ZNF362: variants seen among roughly 807,000 people sequenced by gnomAD.
ZNF362 encodes zinc finger protein 362, also known as rotund homolog.
A neutral mutation model predicts 42.9 loss-of-function variants in ZNF362; 11 were observed. That is an observed-to-expected ratio of 0.26 (90% CI 0.16 to 0.42). The LOEUF is 0.42. Among genes scored for constraint, ZNF362 ranks in the 20% least tolerant of loss-of-function variants. ZNF362 has a pLI of 1.00. For synonymous variants in ZNF362, 255 were observed against 257.3 expected (o/e 0.99, Z 0.09); for missense variants, 362 against 576.2 (o/e 0.63, Z 3.81).
At chr1:33,283,586 G>A (rs769860919) in intron 6 of ZNF362, among the ~76,000 whole-genome samples, 5 of 151,948 alleles carry the variant, frequency 3.3e-5, no homozygotes, top group African/African-American at 4.8e-5. Flanking sequence ...CTGTAGTCCC[G>A]GCTACTTGGG....
At chr1:33,186,265 G>A in the ZNF362 span, among the ~76,000 whole-genome samples, 75 of 152,030 alleles carry the variant, frequency 4.9e-4, no homozygotes, top group Non-Finnish European at 9.3e-4. Flanking sequence ...TATTTGGTGC[G>A]AACCGTTCTC....
chr1:33,199,061 A>T, the ZNF362 span, among the ~76,000 whole-genome samples: 7 of 152,192 alleles, frequency 4.6e-5, no homozygotes, highest in Non-Finnish European at 1.0e-4. Context: ...GCAGCCTAAC[A>T]TATGTATATT....
the ZNF362 span, among the ~76,000 whole-genome samples, chr1:33,183,321 A>G: frequency 6.6e-6 from 1 of 152,162 alleles, no homozygotes; most frequent in East Asian, 1.9e-4. Context: ...TTTATGAAAA[A>G]GCTCTCAGTT....
the ZNF362 span, among the ~76,000 whole-genome samples, chr1:33,161,401 G>T: frequency 6.6e-6 from 1 of 152,096 alleles, no homozygotes; most frequent in Admixed American, 6.5e-5. This position sits in a 1 kb window ranked among gnomAD's most constrained non-coding sequence, Gnocchi z 4.3. Flanking sequence ...TACTTTGTGG[G>T]ATTCTGGCTG....
chr1:33,261,994 G>A (rs1228480327), intron 1 of ZNF362, among the ~76,000 whole-genome samples: 1 of 152,198 alleles, frequency 6.6e-6, no homozygotes. Context: ...GGTGTGCCTG[G>A]CACTTGGGGG....
the ZNF362 span, among the ~76,000 whole-genome samples, chr1:33,134,666 G>T: frequency 3.0e-4 from 46 of 152,196 alleles, no homozygotes; most frequent in Admixed American, 3.0e-3. Context: ...GGAAGCTGTG[G>T]CATGGGAGAC....
chr1:33,188,399 T>C, the ZNF362 span, among the ~76,000 whole-genome samples: 1 of 152,202 alleles, frequency 6.6e-6, no homozygotes, highest in Non-Finnish European at 1.5e-5. Flanking sequence ...ATGTGCTCAC[T>C]TTCTCCATGG....
intron 6 of ZNF362, among the ~76,000 whole-genome samples, chr1:33,288,554 C>T (rs554655264): frequency 3.3e-5 from 5 of 151,686 alleles, no homozygotes; most frequent in African/African-American, 4.8e-5. Context: ...GCCTGGCTGA[C>T]GTGGTCTTGA....
At chr1:33,203,509 ATATAGTACTTCTATTTTT>A in the ZNF362 span, among the ~76,000 whole-genome samples, 1 of 152,182 alleles carries the variant, frequency 6.6e-6, no homozygotes, top group Admixed American at 6.5e-5. Context: ...TTGCTGGGTC[ATATAGTACTTCTATTTTT>A]AATTTCTTTG....
At chr1:33,181,614 G>A in the ZNF362 span, 5 of 1,183,700 alleles carry the variant, frequency 4.2e-6, no homozygotes, top group Non-Finnish European at 5.7e-6. This position sits in a 1 kb window ranked among gnomAD's most constrained non-coding sequence, Gnocchi z 6.5. Flanking sequence ...GAAGGGGTGC[G>A]CGGCTGAGAC....
intron 6 of ZNF362, among the ~76,000 whole-genome samples, chr1:33,291,268 C>G (rs557705481): frequency 6.6e-6 from 1 of 152,286 alleles, no homozygotes; most frequent in South Asian, 2.1e-4. Context: ...GATCCAGTTT[C>G]AGCTTTCTAC....
chr1:33,262,567 A>G (rs888609281), intron 1 of ZNF362, among the ~76,000 whole-genome samples: 1 of 152,144 alleles, frequency 6.6e-6, no homozygotes, highest in Admixed American at 6.5e-5. Context: ...TTGGCCTCCC[A>G]AAGTGCTGGG....
chr1:33,249,002 G>A, the ZNF362 span, among the ~76,000 whole-genome samples: 32,898 of 152,196 alleles, frequency 0.22, 3,788 homozygotes, highest in East Asian at 0.3. Context: ...TGAAGGAAGA[G>A]ATATGTATTG....
the ZNF362 span, among the ~76,000 whole-genome samples, chr1:33,221,401 T>C: frequency 6.6e-6 from 1 of 152,236 alleles, no homozygotes; most frequent in Non-Finnish European, 1.5e-5. Flanking sequence ...CCAAACTGGC[T>C]TTTCCTCCCT....
At chr1:33,147,966 T>C in the ZNF362 span, among the ~76,000 whole-genome samples, 1 of 152,178 alleles carries the variant, frequency 6.6e-6, no homozygotes, top group Admixed American at 6.5e-5. This position sits in a 1 kb window ranked among gnomAD's most constrained non-coding sequence, Gnocchi z 8.1. Flanking sequence ...CAGCTGCTTG[T>C]TCACTGCCTG....
chr1:33,236,238 C>T, the ZNF362 span, among the ~76,000 whole-genome samples: 18 of 151,896 alleles, frequency 1.2e-4, no homozygotes, highest in Non-Finnish European at 1.6e-4. Flanking sequence ...ACACATAAAT[C>T]GAAGACAAAT....
At chr1:33,150,458 G>T in the ZNF362 span, among the ~76,000 whole-genome samples, 1 of 152,222 alleles carries the variant, frequency 6.6e-6, no homozygotes, top group South Asian at 2.1e-4. Flanking sequence ...CATGATCTTT[G>T]CCAGGAGTAA....
the ZNF362 span, among the ~76,000 whole-genome samples, chr1:33,171,731 C>T: frequency 4.7e-3 from 719 of 152,328 alleles, 5 homozygotes; most frequent in Non-Finnish European, 7.3e-3. Flanking sequence ...GCTGTGCTCA[C>T]AGCACCCTCC....
In ZNF362 at chr1:33,266,315, A is replaced by G. The variant is rs1324622897; in HGVS notation, c.-88-4172A>G. ...CTCCTCATCAATTCCCTCAGTGAACATCTGTTGAGTACCCAGTGTATACTA... is the reference window on the plus strand; with the variant it reads ...CTCCTCATCAATTCCCTCAGTGAACGTCTGTTGAGTACCCAGTGTATACTA... On this transcript the variant is annotated intron_variant, in intron 1 of 8. Transcript: ENST00000539719. This position sits in a 1 kb window ranked among gnomAD's most constrained non-coding sequence, Gnocchi z 4.3. 2.6e-5 allele frequency among the ~76,000 whole-genome samples: 4 copies of G among 152,126 alleles called. No individual in the cohort carries two copies. The highest frequency in any genetic ancestry group is 5.9e-5 in the Non-Finnish European group (4 of 68,026).
Sources: allele counts gnomAD v4.1 joint callset (sites outside exome capture counted in the v4.1 genomes callset), GRCh38; gene constraint gnomAD v4.1.1; non-coding constraint Gnocchi (gnomAD v3.1); transcripts MANE v1.5; gene names NCBI Gene and HGNC (gene_info 2026-07-23, HGNC 2026-07-21).